The following ANK3 variants were observed in gnomAD, a reference collection of about 807,000 sequenced individuals.
ANK3 encodes the protein ankyrin 3.
ANK3 carries 57 observed loss-of-function variants against 370.9 expected under a neutral mutation model. The ratio of observed to expected loss-of-function variants is 0.15; its 90% CI spans 0.12 to 0.19. The LOEUF is 0.19. Ranked by LOEUF, ANK3 falls within the 10% of genes least tolerant of loss-of-function variation. ANK3 has a pLI of 1.00. For missense variants in ANK3, 4,439 were observed against 5,302.1 expected, an observed-to-expected ratio of 0.84 and a Z score of 5.06; for synonymous variants, 1,929 against 1,946.3, an observed-to-expected ratio of 0.99 and a Z score of 0.23.
chr10:60,697,008 T>C (rs2079466790), intron 1 of ANK3, among the ~76,000 whole-genome samples: 2 of 142,754 alleles, frequency 1.4e-5, no homozygotes, highest in Non-Finnish European at 3.1e-5. Context: ...AAAACCCCAT[T>C]GTCTCAGCCC....
At chr10:60,336,563 A>AGATC (rs1460500523) in intron 1 of ANK3, among the ~76,000 whole-genome samples, 6 of 135,776 alleles carry the variant, frequency 4.4e-5, no homozygotes, top group East Asian at 2.2e-4. Flanking sequence ...TGGAATCTGG[A>AGATC]GATCTATCTA....
intron 2 of ANK3, among the ~76,000 whole-genome samples, chr10:60,499,306 C>T (rs773321537): frequency 6.6e-6 from 1 of 152,092 alleles, no homozygotes; most frequent in African/African-American, 2.4e-5. Flanking sequence ...AATTAGCTAA[C>T]TCATATTCAG....
At chr10:60,387,036 T>C (rs2062462011) in intron 1 of ANK3, among the ~76,000 whole-genome samples, 1 of 151,976 alleles carries the variant, frequency 6.6e-6, no homozygotes, top group African/African-American at 2.4e-5. Flanking sequence ...GGCGGGTGCC[T>C]GTAATCTCAG....
At position 60,055,963 on chromosome 10, in the gene ANK3, G is replaced by A. The variant is rs2079083984; in HGVS notation, c.12760C>T (p.His4254Tyr). The change falls in exon 42 of 44, where the codon CAT (histidine) becomes TAT (tyrosine). Residue 4254 changes from histidine to tyrosine, a missense_variant. Coordinates refer to ENST00000280772, the MANE Select transcript of ANK3 (RefSeq NM_020987.5). The stretch of plus-strand genomic sequence containing the variant: ...TTTGCTTCTGGAGTGATTTCTGTAT[G>A]GCTTCCATTTGCTTCAAATTTGCCA... ...EAGKFEANGS[H>Y]TEITPEAKTK... The A allele has an allele frequency of 1.9e-6, 3 of 1,613,848 alleles. No homozygotes were observed. Among genetic ancestry groups the A allele is most frequent in the Admixed American group, 1.7e-5 (1 of 59,976 alleles).
In ANK3 at chr10:60,667,565, C is replaced by A. The variant is rs865943561; in HGVS notation, c.58-52341G>T. Among the ~76,000 whole-genome samples the A allele has an allele frequency of 6.1e-5, 9 of 146,848 alleles. 1 individual carries two copies. Among genetic ancestry groups the A allele is most frequent in the African/African-American group, 2.5e-4 (9 of 36,414 alleles). ...TCAAAGTCATCGTAGATATAGGAAG[C>A]CAGATAATCTTCTGGAAATATTTCT... On this transcript the variant is annotated intron_variant, in intron 1 of 43. Coordinates refer to the ANK3 transcript ENST00000373827.
chr10:60,117,159 A>C (rs979212787), intron 25 of ANK3, among the ~76,000 whole-genome samples: 16 of 152,224 alleles, frequency 1.1e-4, no homozygotes, highest in Non-Finnish European at 1.3e-4. Flanking sequence ...CTTAAAAAAC[A>C]TATTTCTCAT....
chr10:60,555,072 GA>G (rs1193210285), intron 2 of ANK3, among the ~76,000 whole-genome samples: 1 of 151,394 alleles, frequency 6.6e-6, no homozygotes, highest in Admixed American at 6.6e-5. Flanking sequence ...ACATTTACAA[GA>G]AAAAAAAGAC....
intron 2 of ANK3, among the ~76,000 whole-genome samples, chr10:60,584,927 C>T (rs776349345): frequency 8.3e-4 from 126 of 152,244 alleles, no homozygotes; most frequent in Non-Finnish European, 1.3e-3. Context: ...AGATGTACTG[C>T]CTCAAGGTCA....
intron 1 of ANK3, among the ~76,000 whole-genome samples, chr10:60,326,999 G>T (rs1030539867): frequency 7.1e-6 from 1 of 141,468 alleles, no homozygotes; most frequent in Non-Finnish European, 1.5e-5. Context: ...CAGCCTGGGC[G>T]ACCGAGACTC....
chr10:60,531,364 T>C (rs10994406), intron 2 of ANK3, among the ~76,000 whole-genome samples: 3,978 of 152,186 alleles, frequency 0.026, 61 homozygotes, highest in Non-Finnish European at 0.04. Flanking sequence ...GGAGGTTCAG[T>C]GTGTATATAT....
At chr10:60,140,674 C>A in intron 23 of ANK3, 1 of 1,298,966 alleles carries the variant, frequency 7.7e-7, no homozygotes, top group Non-Finnish European at 9.8e-7. Flanking sequence ...CCTTTTAAAG[C>A]TCCTTCTGAT....
chr10:60,246,400 GCTAA>G (rs1565962987), intron 7 of ANK3, among the ~76,000 whole-genome samples: 1 of 143,566 alleles, frequency 7.0e-6, no homozygotes, highest in Admixed American at 7.1e-5. Context: ...TTCCAGTTTT[GCTAA>G]CTGTTTGCTT....
chr10:60,129,459 G>T (rs2093947652), intron 25 of ANK3, among the ~76,000 whole-genome samples: 1 of 152,046 alleles, frequency 6.6e-6, no homozygotes, highest in Non-Finnish European at 1.5e-5. Context: ...CTTTTTAAAA[G>T]TTCTCCAGGT....
chr10:60,329,531 C>T (rs1220381416), intron 1 of ANK3, among the ~76,000 whole-genome samples: 4 of 152,016 alleles, frequency 2.6e-5, no homozygotes, highest in Non-Finnish European at 4.4e-5. Context: ...CTCCCATTCA[C>T]AATTGGTACA....
rs2086733761 is a variant in ANK3 at position 60,086,596 on chromosome 10, T to G, written c.3748+81A>C. 10 of 1,267,002 alleles carry G rather than the reference T, an allele frequency of 7.9e-6. No individual in the cohort carries two copies. In the South Asian group the frequency reaches 1.4e-4, roughly 17 times the overall value. 78.5% of individuals were successfully genotyped at this position (1,267,002 alleles called of 1,614,324 possible). ...AATGTTGGCATGGATATTTCAAAGG[T>G]TTTATATCTTTGTACACAAATATAT... On this transcript the variant is annotated intron_variant, in intron 30 of 43. Transcript: ENST00000280772.
intron 2 of ANK3, among the ~76,000 whole-genome samples, chr10:60,566,202 T>C (rs2077456553): frequency 6.6e-6 from 1 of 152,216 alleles, no homozygotes; most frequent in Non-Finnish European, 1.5e-5. Flanking sequence ...ATGTTGTATG[T>C]GTGTTCTGAC....
At chr10:60,049,229 C>T (rs1305700182) in intron 42 of ANK3, among the ~76,000 whole-genome samples, 1 of 152,136 alleles carries the variant, frequency 6.6e-6, no homozygotes, top group African/African-American at 2.4e-5. Context: ...TATACAATGC[C>T]TTCCTCAGTT....
chr10:60,221,374 C>G (rs1373872768), intron 8 of ANK3, among the ~76,000 whole-genome samples: 1 of 152,144 alleles, frequency 6.6e-6, no homozygotes, highest in East Asian at 1.9e-4. Flanking sequence ...GCCATCGTGC[C>G]TGGCCTGATT....
In ANK3 at chr10:60,088,131, T is replaced by C. The variant is rs1324295050; in HGVS notation, c.3540+16A>G. 6.2e-7 allele frequency: 1 copy of C among 1,612,988 alleles called. No individual in the cohort carries two copies. Among genetic ancestry groups the C allele is most frequent in the Admixed American group, 1.7e-5 (1 of 60,014 alleles). ...CTCTGCGCATACTGAGGGAAACAAC[T>C]TTTTGTGAACATTACCTGGAGGCCC... On this transcript the variant is annotated intron_variant, in intron 29 of 43. Transcript: ENST00000280772.
Sources: allele counts gnomAD v4.1 joint callset (sites outside exome capture counted in the v4.1 genomes callset), GRCh38; gene constraint gnomAD v4.1.1; transcripts MANE v1.5; gene names NCBI Gene and HGNC (gene_info 2026-07-23, HGNC 2026-07-21).